Variants in SUPT6H observed in about 807,000 individuals in gnomAD.
SUPT6H encodes transcription elongation factor SPT6.
SUPT6H carries 11 observed loss-of-function variants against 222.3 expected under a neutral mutation model. The ratio of observed to expected loss-of-function variants is 0.05; its 90% confidence interval spans 0.03 to 0.08. The LOEUF is 0.08. SUPT6H is among the 10% of genes least tolerant of loss of function. The probability of loss-of-function intolerance (pLI) is 1.00; values close to 1 mark genes in which losing one functional copy is unlikely to be tolerated. For missense variants in SUPT6H, 1,422 were observed against 2,216.0 expected (o/e 0.64, Z 7.19); for synonymous variants, 762 against 801.2 (o/e 0.95, Z 0.83).
chr17:28,692,716 G>T (rs1437721524), intron 27 of SUPT6H, among the ~76,000 whole-genome samples: 2 of 147,692 alleles, frequency 1.4e-5, no homozygotes, highest in Non-Finnish European at 3.0e-5. Flanking sequence ...AATTAGCCAG[G>T]CTTAACCGGG....
In SUPT6H at chr17:28,683,345, G is replaced by A; in HGVS notation, c.1956G>A (p.Gln652=). ...NKPVKELRDD[Q]FLKICLAEDE... ...CTGTTAAGGAACTGAGAGATGACCA[G>A]TTTCTCAAGATATGCCTGGCTGAAG... is the stretch of plus-strand genomic sequence containing the variant. Residue 652 remains glutamine (Q), a synonymous_variant, in exon 16 of 37, where the codon CAG becomes CAA. Coordinates refer to ENST00000314616, the MANE Select transcript of SUPT6H (RefSeq NM_003170.5). 1 of 1,614,182 alleles carries A rather than the reference G, an allele frequency of 6.2e-7. No homozygotes were observed. Among genetic ancestry groups the A allele is most frequent in the Non-Finnish European group, 8.5e-7 (1 of 1,180,040 alleles).
In SUPT6H at chr17:28,700,118, G is replaced by C. The variant is rs546277451; in HGVS notation, c.4562-55G>C. Reference sequence around the variant, plus strand: ...CAGTGCCCCTTCCACCCCCTGAATTGGGAAACCAAAAATAGGTTTCTGGAG... The same window carrying C: ...CAGTGCCCCTTCCACCCCCTGAATTCGGAAACCAAAAATAGGTTTCTGGAG... On this transcript the variant is annotated intron_variant, in intron 33 of 36. Coordinates refer to ENST00000314616, the MANE Select transcript of SUPT6H (RefSeq NM_003170.5). The C allele has an allele frequency of 4.5e-4, 729 of 1,611,562 alleles. 6 individuals are homozygous for C. Among genetic ancestry groups the C allele is most frequent in the South Asian group, 3.0e-3 (270 of 90,942 alleles).
At chr17:28,672,351 G>A (rs1005594338) in intron 1 of SUPT6H, among the ~76,000 whole-genome samples, 2 of 152,072 alleles carry the variant, frequency 1.3e-5, no homozygotes, top group African/African-American at 4.8e-5. Context: ...AAAACTTTGG[G>A]GAAGAGAGAT....
In SUPT6H at chr17:28,678,186, T is replaced by A. The variant is rs1435748250; in HGVS notation, c.1110T>A (p.His370Gln). 2 of 1,608,812 alleles carry A rather than the reference T, an allele frequency of 1.2e-6. No homozygotes were observed. The highest frequency in any genetic ancestry group is 2.7e-5 in the African/African-American group (2 of 74,520). The part of the protein sequence containing the change: ...KEALGFMRNQ[H>Q]FEVPFIAFYR... ...CCCTGGGCTTCATGCGAAATCAGCA[T>A]TTTGAGGTAACACCTCAAGCTCTGG... The change falls in exon 9 of 37, where the codon CAT becomes CAA. Residue 370 changes from histidine (H) to glutamine (Q), a missense_variant. Transcript: ENST00000314616.
chr17:28,684,140 G>A (rs2031263111), intron 17 of SUPT6H, among the ~76,000 whole-genome samples: 1 of 152,042 alleles, frequency 6.6e-6, no homozygotes, highest in Admixed American at 6.6e-5. Context: ...GGGATTACAG[G>A]CGTGAGCCAC....
chr17:28,676,101 G>C, intron 6 of SUPT6H, 56 bp from the exon 7 acceptor site: 1 of 1,527,590 alleles, frequency 6.5e-7, no homozygotes, highest in Non-Finnish European at 8.8e-7. Context: ...TGCAAGGGCT[G>C]CATTTCTCTC....
intron 28 of SUPT6H, 93 bp downstream of exon 28, chr17:28,693,929 C>A: frequency 6.5e-7 from 1 of 1,541,530 alleles, no homozygotes. Context: ...AGAAGTTAGG[C>A]TCTGTTCCCA....
At chr17:28,700,633 C>A in intron 35 of SUPT6H, 121 bp downstream of exon 35, 1 of 1,318,302 alleles carries the variant, frequency 7.6e-7, no homozygotes, top group Non-Finnish European at 1.0e-6. Context: ...TAACTGTCTC[C>A]AACAGATATT....
In SUPT6H at chr17:28,674,586, G is replaced by A. The variant is rs1597692073; in HGVS notation, c.318G>A (p.Glu106=). The A allele has an allele frequency of 5.0e-6, 8 of 1,614,178 alleles. No homozygotes were observed. The highest frequency in any genetic ancestry group is 6.8e-6 in the Non-Finnish European group (8 of 1,180,032). Reference sequence around the variant, plus strand: ...ATGATGATTTTGACCTCATTGAGGAGAATTTGGGTGTCAAAGTCAAAAGAG... The same window carrying A: ...ATGATGATTTTGACCTCATTGAGGAAAATTTGGGTGTCAAAGTCAAAAGAG... The part of the protein sequence containing the change: ...LEDDDFDLIE[E]NLGVKVKRGQ... The change falls in exon 4 of 37, where the codon GAG becomes GAA. Residue 106 remains glutamate, a synonymous_variant. Coordinates refer to ENST00000314616, the MANE Select transcript of SUPT6H (RefSeq NM_003170.5).
In SUPT6H at chr17:28,685,053, A is replaced by G. The variant is rs1449449100; in HGVS notation, c.2487+92A>G. 24 of 1,211,274 alleles carry G rather than the reference A, an allele frequency of 2.0e-5. No homozygotes were observed. In the East Asian group the frequency reaches 3.4e-4, roughly 17 times the overall value. The allele number at this position is 1,211,274 out of a possible 1,614,324, so 75.0% of individuals were successfully genotyped here. ...GTGTTTACGGTCTAAGCAACATCCT[A>G]TGCAAGACTGATTGTGTCTGATCTG... On this transcript the variant is annotated intron_variant, in intron 19 of 36. Transcript: ENST00000314616.
intron 2 of SUPT6H, 157 bp downstream of exon 2, chr17:28,673,667 ATCTG>A: frequency 3.3e-6 from 2 of 610,788 alleles, no homozygotes; most frequent in South Asian, 4.0e-5. Flanking sequence ...CTAACTGAGC[ATCTG>A]TCTGTATGCC....
chr17:28,664,108 A>G (rs1019799147), intron 1 of SUPT6H, among the ~76,000 whole-genome samples: 7 of 152,046 alleles, frequency 4.6e-5, no homozygotes, highest in South Asian at 2.1e-4. Flanking sequence ...CCTGCCTCCA[A>G]ACTTTCATCT....
intron 29 of SUPT6H, among the ~76,000 whole-genome samples, chr17:28,696,166 TGTG>T (rs1304835433): frequency 2.1e-5 from 3 of 146,196 alleles, no homozygotes; most frequent in African/African-American, 7.6e-5. Flanking sequence ...ACTACCCAGG[TGTG>T]GTGGTGGGCG....
chr17:28,684,740 T>C lies in SUPT6H; in HGVS notation c.2369+15T>C, dbSNP rs1429486705. ...TCCTCTGCCAGGTAACAGCCTATTT[T>C]TGCCTCCCCAGCACCATCTCTTGTC... is the stretch of plus-strand genomic sequence containing the variant. On this transcript the variant is annotated intron_variant, in intron 18 of 36. Transcript: ENST00000314616. 1.2e-6 allele frequency: 2 copies of C among 1,614,142 alleles called. No homozygotes were observed. The highest frequency in any genetic ancestry group is 1.7e-6 in the Non-Finnish European group (2 of 1,179,956).
intron 5 of SUPT6H, 97 bp downstream of exon 5, chr17:28,675,259 C>T (rs2030673999): frequency 1.3e-6 from 2 of 1,487,542 alleles, no homozygotes; most frequent in African/African-American, 1.4e-5. Flanking sequence ...GCTACATCCC[C>T]CAGCATTTGA....
chr17:28,674,158 C>G, intron 2 of SUPT6H, 125 bp from the exon 3 acceptor site: 1 of 1,156,308 alleles, frequency 8.6e-7, no homozygotes, highest in Non-Finnish European at 1.2e-6. Flanking sequence ...TTACATGAGG[C>G]AGAAGAGTTA....
intron 1 of SUPT6H, among the ~76,000 whole-genome samples, chr17:28,667,572 T>A (rs2030158014): frequency 2.0e-5 from 3 of 150,282 alleles, no homozygotes; most frequent in South Asian, 4.2e-4. Flanking sequence ...CAAGACAACA[T>A]GGAATGTCTT....
At chr17:28,681,192 T>C in intron 11 of SUPT6H, 64 bp from the exon 12 acceptor site, 1 of 1,594,722 alleles carries the variant, frequency 6.3e-7, no homozygotes, top group Non-Finnish European at 8.5e-7. Flanking sequence ...GGACCTCTTG[T>C]AGCCAAATTG....
In SUPT6H at chr17:28,681,242, C is replaced by A; in HGVS notation, c.1350-14C>A. ...TGCAGTGATGACTGAAACCTTATGTCTCTTCTTTTTCAGGCTCAAGGATGT... is the reference window on the plus strand; with the variant it reads ...TGCAGTGATGACTGAAACCTTATGTATCTTCTTTTTCAGGCTCAAGGATGT... On this transcript the variant is annotated splice_polypyrimidine_tract_variant and intron_variant, in intron 11 of 36. Transcript: ENST00000314616. 1 of 1,613,382 alleles carries A rather than the reference C, an allele frequency of 6.2e-7. No homozygotes were observed. Among genetic ancestry groups the A allele is most frequent in the Non-Finnish European group, 8.5e-7 (1 of 1,179,892 alleles).
Sources: allele counts gnomAD v4.1 joint callset (sites outside exome capture counted in the v4.1 genomes callset), GRCh38; gene constraint gnomAD v4.1.1; transcripts MANE v1.5; gene names NCBI Gene and HGNC (gene_info 2026-07-23, HGNC 2026-07-21).